Variants in SORCS1 observed in about 807,000 individuals in gnomAD.
SORCS1 encodes the protein VPS10 domain-containing receptor SorCS1.
In SORCS1, 60 loss-of-function variants were observed where a neutral mutation model predicts 146.1. That is an observed-to-expected ratio of 0.41 (90% CI 0.33 to 0.51). SORCS1 has a LOEUF of 0.51. Ranked by LOEUF, SORCS1 falls within the 20% of genes least tolerant of loss-of-function variation. The pLI, the probability that SORCS1 is intolerant of heterozygous loss-of-function variation, is 0.21. For missense variants in SORCS1, 1,352 were observed against 1,487.6 expected, an observed-to-expected ratio of 0.91 and a Z score of 1.50; for synonymous variants, 637 against 584.0, an observed-to-expected ratio of 1.09 and a Z score of -1.31.
chr10:106,992,930 C>CA (rs1956832736), intron 1 of SORCS1, among the ~76,000 whole-genome samples: 1 of 142,472 alleles, frequency 7.0e-6, no homozygotes, highest in Non-Finnish European at 1.5e-5. Flanking sequence ...CTCCCTGGTT[C>CA]AAGCAACTCT....
intron 3 of SORCS1, among the ~76,000 whole-genome samples, chr10:106,792,758 C>G (rs909263903): frequency 6.6e-6 from 1 of 152,180 alleles, no homozygotes; most frequent in South Asian, 2.1e-4. Flanking sequence ...ACGTTACACT[C>G]AATTCATAAG....
At chr10:106,610,645 T>C (rs1358832069) in intron 22 of SORCS1, among the ~76,000 whole-genome samples, 4 of 152,152 alleles carry the variant, frequency 2.6e-5, no homozygotes, top group Non-Finnish European at 5.9e-5. Context: ...GGAAAGAATG[T>C]TCAGCAAACC....
intron 2 of SORCS1, among the ~76,000 whole-genome samples, chr10:106,912,300 T>C (rs1000737838): frequency 1.3e-5 from 2 of 148,234 alleles, no homozygotes; most frequent in African/African-American, 5.0e-5. Flanking sequence ...TAACTGAACA[T>C]GAAACAAAAC....
At chr10:106,928,071 G>A (rs547353141) in intron 2 of SORCS1, among the ~76,000 whole-genome samples, 1 of 152,384 alleles carries the variant, frequency 6.6e-6, no homozygotes, top group South Asian at 2.1e-4. Flanking sequence ...GGCGCTGCAT[G>A]TGGAGCTGCC....
intron 9 of SORCS1, among the ~76,000 whole-genome samples, chr10:106,695,989 C>T (rs763100009): frequency 2.0e-5 from 3 of 151,818 alleles, no homozygotes; most frequent in Non-Finnish European, 4.4e-5. Flanking sequence ...GAGCACAGTG[C>T]TTCCTTCTGC....
At chr10:106,806,429 T>TAAAATAAAATAAAATA (rs1278495622) in intron 3 of SORCS1, among the ~76,000 whole-genome samples, 3 of 140,558 alleles carry the variant, frequency 2.1e-5, no homozygotes, top group Non-Finnish European at 4.6e-5. Flanking sequence ...TAAAATAAAA[T>TAAAATAAAATAAAATA]AATCATGGAG....
At chr10:106,731,530 T>C (rs1455654672) in intron 5 of SORCS1, among the ~76,000 whole-genome samples, 1 of 152,150 alleles carries the variant, frequency 6.6e-6, no homozygotes, top group Non-Finnish European at 1.5e-5. Context: ...CCCTGAATCA[T>C]AGTTTAAGAC....
chr10:106,643,902 G>T (rs923594334), intron 18 of SORCS1, among the ~76,000 whole-genome samples: 3 of 152,112 alleles, frequency 2.0e-5, no homozygotes, highest in Non-Finnish European at 4.4e-5. Context: ...TTGCTATATT[G>T]TGTTCTTAGA....
chr10:107,079,949 A>G (rs1381930061), intron 1 of SORCS1, among the ~76,000 whole-genome samples: 1 of 152,256 alleles, frequency 6.6e-6, no homozygotes, highest in Non-Finnish European at 1.5e-5. Flanking sequence ...ATGATAAAAA[A>G]CAAGAGAGAT....
rs765355110 is a variant in SORCS1 at position 106,944,874 on chromosome 10, C to CTTTTTT, written c.626+11633_626+11638dup. Reference sequence around the variant, plus strand: ...GTAGAAAGAAGCAAGAAAGAGCCTTCTTTTTTTTTTTTTTTTTTTTTTTTT... The same window carrying CTTTTTT: ...GTAGAAAGAAGCAAGAAAGAGCCTTCTTTTTTTTTTTTTTTTTTTTTTTTTTTTTTT... On this transcript the variant is annotated intron_variant, in intron 2 of 25. Transcript: ENST00000263054. Among the ~76,000 whole-genome samples, 25 of 36,598 alleles carry CTTTTTT rather than the reference C, an allele frequency of 6.8e-4. 5 individuals carry two copies. The highest frequency in any genetic ancestry group is 1.4e-3 in the African/African-American group (14 of 9,982). 24.0% of individuals were successfully genotyped at this position (36,598 alleles called of 152,430 possible).
chr10:106,830,592 T>TAAAA (rs142485362), intron 2 of SORCS1, among the ~76,000 whole-genome samples: 2 of 146,082 alleles, frequency 1.4e-5, no homozygotes, highest in African/African-American at 5.1e-5. Flanking sequence ...TTTTTTTTTT[T>TAAAA]AAAAAAATTT....
At chr10:106,740,899 GACTGGA>G (rs1857313694) in intron 5 of SORCS1, among the ~76,000 whole-genome samples, 1 of 152,210 alleles carries the variant, frequency 6.6e-6, no homozygotes, top group Non-Finnish European at 1.5e-5. Context: ...GATACAATCA[GACTGGA>G]ACCTAGGCAT....
intron 1 of SORCS1, among the ~76,000 whole-genome samples, chr10:107,154,273 G>A (rs1316092898): frequency 6.6e-6 from 1 of 152,070 alleles, no homozygotes; most frequent in Non-Finnish European, 1.5e-5. Flanking sequence ...AAAGTGTTGG[G>A]ATTACAGGCG....
chr10:106,726,110 C>T (rs1161749759), intron 6 of SORCS1, among the ~76,000 whole-genome samples: 1 of 149,016 alleles, frequency 6.7e-6, no homozygotes, highest in African/African-American at 2.5e-5. Flanking sequence ...CCAACCTCCT[C>T]CTCTCTGTTT....
At chr10:106,833,955 A>C (rs371101295) in intron 2 of SORCS1, among the ~76,000 whole-genome samples, 1 of 151,986 alleles carries the variant, frequency 6.6e-6, no homozygotes, top group Admixed American at 6.6e-5. Flanking sequence ...CACCATGCCC[A>C]GCTAATGTTT....
At chr10:107,020,520 A>G (rs1488422365) in intron 1 of SORCS1, among the ~76,000 whole-genome samples, 1 of 152,216 alleles carries the variant, frequency 6.6e-6, no homozygotes, top group Admixed American at 6.5e-5. Flanking sequence ...TTTAGCATTT[A>G]TAGCTGTTTT....
At position 106,667,737 on chromosome 10, in the gene SORCS1, G is replaced by A. The variant is rs1160415837; in HGVS notation, c.2255C>T (p.Ser752Phe). The change falls in exon 17 of 26, where the codon TCT becomes TTT. Residue 752 changes from serine to phenylalanine, a missense_variant. By Grantham distance (155) the Ser-to-Phe change is radical. Transcript: ENST00000263054. ...TCCCAAGCTGCAATCCTTTGACAGA[G>A]AGGATGGATTGAACCAAAATGCCGG... ...CLPAFWFNPS[S>F]LSKDCSLGQS... The A allele has an allele frequency of 6.2e-7, 1 of 1,614,122 alleles. No homozygotes were observed. Among genetic ancestry groups the A allele is most frequent in the Non-Finnish European group, 8.5e-7 (1 of 1,180,002 alleles).
chr10:106,759,340 A>G (rs1858901936), intron 5 of SORCS1, among the ~76,000 whole-genome samples: 1 of 152,184 alleles, frequency 6.6e-6, no homozygotes, highest in African/African-American at 2.4e-5. Context: ...TCTAAATGAC[A>G]TGAATAAAGG....
At chr10:106,956,212 C>T (rs1045035472) in intron 2 of SORCS1, among the ~76,000 whole-genome samples, 1 of 152,096 alleles carries the variant, frequency 6.6e-6, no homozygotes, top group African/African-American at 2.4e-5. Flanking sequence ...AAAGAGACTT[C>T]CAGTCTCACT....
Sources: gnomAD v4.1 joint callset for allele counts (sites outside exome capture counted in the v4.1 genomes callset) on GRCh38, gnomAD v4.1.1 for gene constraint, MANE v1.5 for transcripts, NCBI Gene and HGNC (gene_info 2026-07-23, HGNC 2026-07-21) for gene names.